Variants in ROCK2 observed in about 807,000 individuals in gnomAD.
ROCK2 encodes Rho associated coiled-coil containing protein kinase 2.
A neutral mutation model predicts 195.1 loss-of-function variants in ROCK2; 61 were observed. The ratio of observed to expected loss-of-function variants is 0.31; its 90% CI spans 0.25 to 0.39. The LOEUF (loss-of-function observed/expected upper bound fraction) is 0.39, where lower values mean the gene tolerates loss of function less well. ROCK2 is among the 10% of genes least tolerant of loss of function. The probability of loss-of-function intolerance (pLI) is 1.00; values close to 1 mark genes in which losing one functional copy is unlikely to be tolerated. For missense variants in ROCK2, 1,109 were observed against 1,637.4 expected, an observed-to-expected ratio of 0.68 and a Z score of 5.57; for synonymous variants, 504 against 545.5, an observed-to-expected ratio of 0.92 and a Z score of 1.06.
At chr2:11,198,615 T>G (rs137882883) in intron 24 of ROCK2, 30 bp from the exon 25 acceptor site, 2 of 1,588,972 alleles carry the variant, frequency 1.3e-6, no homozygotes, top group Non-Finnish European at 8.6e-7. Flanking sequence ...TAAAATTACA[T>G]TGGTAATTAC....
At chr2:11,321,829 G>A (rs887448046) in intron 1 of ROCK2, among the ~76,000 whole-genome samples, 1 of 152,014 alleles carries the variant, frequency 6.6e-6, no homozygotes, top group Non-Finnish European at 1.5e-5. Flanking sequence ...ATAAATAGAT[G>A]GATAGTTACT....
Position 11,211,663 on chromosome 2 carries a change from T to G in ROCK2, c.2203+18A>C. The stretch of plus-strand genomic sequence containing the variant: ...TTAGGAAGACGCTGCTGGAAAACCC[T>G]CTTTAAAAAATGCATACCTTTCATG... On this transcript the variant is annotated intron_variant, in intron 18 of 32. Coordinates refer to ENST00000315872, the MANE Select transcript of ROCK2 (RefSeq NM_004850.5). 6.4e-7 allele frequency: 1 copy of G among 1,564,896 alleles called. No homozygotes were observed. The highest frequency in any genetic ancestry group is 8.7e-7 in the Non-Finnish European group (1 of 1,154,968).
chr2:11,256,258 T>A (rs1666030452), intron 3 of ROCK2, among the ~76,000 whole-genome samples: 1 of 151,266 alleles, frequency 6.6e-6, no homozygotes, highest in Non-Finnish European at 1.5e-5. Flanking sequence ...AAGGGCCTAG[T>A]GGGAGGTGAC....
chr2:11,311,322 C>T lies in ROCK2; in HGVS notation c.142-23586G>A, dbSNP rs558620734. Among the ~76,000 whole-genome samples the T allele has an allele frequency of 2.6e-5, 4 of 152,220 alleles. No homozygotes were observed. The South Asian group carries it at 8.3e-4, about 32-fold the overall frequency. ...TTTGAAACCAAAATCCTTGAGGTGG[C>T]AGGGTGGTGGGTGGAGAAAGAAGTG... is the stretch of plus-strand genomic sequence containing the variant. On this transcript the variant is annotated intron_variant, in intron 1 of 32. Coordinates refer to ENST00000315872, the MANE Select transcript of ROCK2 (RefSeq NM_004850.5).
rs1233582144 is a variant in ROCK2, at chr2:11,344,035, G to A, written c.102C>T (p.Ile34=). The change falls in exon 1 of 33, where the codon ATC becomes ATT. Residue 34 remains isoleucine, a synonymous_variant. Transcript: ENST00000315872. This position sits in a 1 kb window ranked among gnomAD's most constrained non-coding sequence, Gnocchi z 5.4. ...ASRQRKLEAL[I]RDPRSPINVE... ...CGTTGATGGGGGAGCGAGGGTCTCG[G>A]ATCAGCGCCTCCAGCTTCCTCTGGC... The A allele has an allele frequency of 1.9e-6, 3 of 1,588,326 alleles. No individual in the cohort carries two copies. Among genetic ancestry groups the A allele is most frequent in the African/African-American group, 1.4e-5 (1 of 71,586 alleles).
At chr2:11,185,883 GTTC>G (rs1372289340) in intron 32 of ROCK2, among the ~76,000 whole-genome samples, 6 of 152,182 alleles carry the variant, frequency 3.9e-5, no homozygotes, top group South Asian at 4.1e-4. Context: ...ATTGTCAGTG[GTTC>G]TTATTTACAC....
chr2:11,330,740 G>GGAGGAGGAGGGAGGA (rs1668694143), intron 1 of ROCK2, among the ~76,000 whole-genome samples: 1 of 43,260 alleles, frequency 2.3e-5, no homozygotes, highest in Non-Finnish European at 4.7e-5. Flanking sequence ...AAGATGAGGA[G>GGAGGAGGAGGGAGGA]GGAGGAGGGA....
intron 1 of ROCK2, among the ~76,000 whole-genome samples, chr2:11,309,789 G>A (rs893295376): frequency 6.6e-6 from 1 of 152,122 alleles, no homozygotes; most frequent in Non-Finnish European, 1.5e-5. Flanking sequence ...AGACCAGTCT[G>A]GGAAATGTGA....
intron 1 of ROCK2, among the ~76,000 whole-genome samples, chr2:11,326,975 C>A (rs536031311): frequency 2.0e-5 from 3 of 152,122 alleles, no homozygotes; most frequent in African/African-American, 7.2e-5. Context: ...ATTAAAATAG[C>A]CCCTATGGAG....
At chr2:11,291,177 A>T (rs1667351370) in intron 1 of ROCK2, among the ~76,000 whole-genome samples, 1 of 152,256 alleles carries the variant, frequency 6.6e-6, no homozygotes, top group Non-Finnish European at 1.5e-5. Flanking sequence ...TCCTGAACAC[A>T]GAGCCTTTTA....
At chr2:11,212,993 G>A (rs149905633) in intron 17 of ROCK2, among the ~76,000 whole-genome samples, 374 of 152,266 alleles carry the variant, frequency 2.5e-3, no homozygotes, top group African/African-American at 8.9e-3. Context: ...TTTATTAACA[G>A]CATCACTATA....
chr2:11,215,456 A>T (rs1233225957), intron 14 of ROCK2, 44 bp from the exon 15 acceptor site: 1 of 1,605,874 alleles, frequency 6.2e-7, no homozygotes. Context: ...CATAACACAC[A>T]TACACACACT....
At chr2:11,264,335 G>A (rs1363505758) in intron 3 of ROCK2, among the ~76,000 whole-genome samples, 1 of 152,144 alleles carries the variant, frequency 6.6e-6, no homozygotes, top group African/African-American at 2.4e-5. Flanking sequence ...GGATGGACTG[G>A]AGAAATATTA....
At chr2:11,308,808 T>C (rs1345906682) in intron 1 of ROCK2, 25 of 1,611,724 alleles carry the variant, frequency 1.6e-5, no homozygotes, top group Admixed American at 5.0e-5. Flanking sequence ...TTCATGGAGA[T>C]GGATGAAATT....
intron 3 of ROCK2, among the ~76,000 whole-genome samples, chr2:11,282,655 T>C (rs1295306046): frequency 3.5e-5 from 5 of 142,096 alleles, no homozygotes; most frequent in Admixed American, 1.4e-4. Flanking sequence ...TTCTAGAGGA[T>C]AGCATAGGAG....
At chr2:11,259,873 T>A (rs1408302145) in intron 3 of ROCK2, among the ~76,000 whole-genome samples, 3 of 151,384 alleles carry the variant, frequency 2.0e-5, no homozygotes, top group African/African-American at 7.4e-5. Flanking sequence ...ACATCCATCT[T>A]TTATATTAAA....
chr2:11,242,960 A>AT (rs1665481191), intron 4 of ROCK2, among the ~76,000 whole-genome samples: 2 of 152,170 alleles, frequency 1.3e-5, no homozygotes, highest in Admixed American at 6.5e-5. Flanking sequence ...AACATCAGCC[A>AT]TGAATAAAGC....
At chr2:11,329,483 G>A (rs114092503) in intron 1 of ROCK2, among the ~76,000 whole-genome samples, 10,221 of 148,494 alleles carry the variant, frequency 0.069, 469 homozygotes, top group African/African-American at 0.13. Flanking sequence ...AAAAAAAACC[G>A]TAACTTCTTA....
intron 3 of ROCK2, among the ~76,000 whole-genome samples, chr2:11,283,258 G>A (rs1229280580): frequency 1.4e-4 from 10 of 69,804 alleles, no homozygotes; most frequent in East Asian, 7.6e-4. Flanking sequence ...CAGAGACTCC[G>A]TCTCAAAAAA....
Sources: gnomAD v4.1 joint callset for allele counts (sites outside exome capture counted in the v4.1 genomes callset) on GRCh38, gnomAD v4.1.1 for gene constraint, Gnocchi (gnomAD v3.1) non-coding constraint, MANE v1.5 for transcripts, NCBI Gene and HGNC (gene_info 2026-07-23, HGNC 2026-07-21) for gene names.